Variants in UHRF1 observed in about 807,000 individuals in gnomAD.
UHRF1 encodes ubiquitin like with PHD and ring finger domains 1, also known as E3 ubiquitin-protein ligase UHRF1.
Under a neutral mutation model 96.5 loss-of-function variants are expected in UHRF1, and 9 were observed. The observed-to-expected ratio is 0.09, with a 90% CI of 0.06 to 0.16. The LOEUF (loss-of-function observed/expected upper bound fraction) is 0.16. Ranked by LOEUF, UHRF1 falls within the 10% of genes least tolerant of loss-of-function variation. The pLI, the probability that UHRF1 is intolerant of heterozygous loss-of-function variation, is 1.00. For synonymous variants in UHRF1, 455 were observed against 469.9 expected (o/e 0.97, Z 0.41); for missense variants, 626 against 1,131.1 (o/e 0.55, Z 6.40).
Position 4,939,772 on chromosome 19 carries a change from C to A in UHRF1, c.786-1756C>A, listed in dbSNP as rs565742068. Among the ~76,000 whole-genome samples the A allele has an allele frequency of 5.3e-5, 8 of 152,226 alleles. No homozygotes were observed. The East Asian group carries it at 1.5e-3, about 29-fold the overall frequency. On this transcript the variant is annotated intron_variant, in intron 5 of 16. Coordinates refer to ENST00000650932, the MANE Select transcript of UHRF1 (RefSeq NM_001048201.3). ...AGGCGCAGTGGCTCATGCCTGTAAT[C>A]CCAGTACTTTGGGGGGCCGAGGTGG... is the stretch of plus-strand genomic sequence containing the variant.
chr19:4,913,852 C>G (rs1254373128), intron 2 of UHRF1, among the ~76,000 whole-genome samples: 1 of 139,180 alleles, frequency 7.2e-6, no homozygotes, highest in Non-Finnish European at 1.5e-5. Context: ...GCTCTTATTG[C>G]CCAAGGTGGA....
At chr19:4,927,015 C>T (rs1407651755) in intron 2 of UHRF1, among the ~76,000 whole-genome samples, 10 of 151,944 alleles carry the variant, frequency 6.6e-5, no homozygotes, top group South Asian at 2.1e-4. Flanking sequence ...GAGCCAAGAT[C>T]GTGCCACTGC....
chr19:4,928,214 C>T (rs1273033355), intron 2 of UHRF1, among the ~76,000 whole-genome samples: 1 of 152,120 alleles, frequency 6.6e-6, no homozygotes, highest in East Asian at 1.9e-4. Context: ...CAGCACCCTG[C>T]AGTGCCCAGG....
At chr19:4,905,069 C>A (rs192925683), upstream of UHRF1, among the ~76,000 whole-genome samples, 326 of 151,770 alleles carry the variant, frequency 2.1e-3, no homozygotes, top group Non-Finnish European at 2.7e-3. Context: ...CACATTTGGC[C>A]CAGGATGGAA....
chr19:4,940,359 ATTTTT>A (rs543779456), intron 5 of UHRF1, among the ~76,000 whole-genome samples: 8 of 67,056 alleles, frequency 1.2e-4, no homozygotes, highest in South Asian at 6.8e-4. Context: ...TGCCTTTATG[ATTTTT>A]TTTTTTTTTT....
chr19:4,949,473 GACACACACAC>G (rs10580944), intron 11 of UHRF1, among the ~76,000 whole-genome samples: 8 of 147,742 alleles, frequency 5.4e-5, no homozygotes, highest in South Asian at 2.2e-4. Flanking sequence ...TTGGCACATA[GACACACACAC>G]ACACACACAC....
At position 4,930,382 on chromosome 19, in the gene UHRF1, C is replaced by G. The variant is rs1373035366; in HGVS notation, c.409-334C>G. On this transcript the variant is annotated intron_variant, in intron 3 of 16. Transcript: ENST00000650932. This position sits in a 1 kb window ranked among gnomAD's most constrained non-coding sequence, Gnocchi z 4.4. ...CTCGGCCTCCCAAAGTGCTGGTATT[C>G]CAGGCGTGAGCCACGACGCCCTGCC... Among the ~76,000 whole-genome samples, 3 of 152,160 alleles carry G rather than the reference C, an allele frequency of 2.0e-5. No individual in the cohort carries two copies. The highest frequency in any genetic ancestry group is 3.2e-3 in the Middle Eastern group (1 of 316).
At chr19:4,926,698 G>A (rs1244076223) in intron 2 of UHRF1, among the ~76,000 whole-genome samples, 2 of 151,774 alleles carry the variant, frequency 1.3e-5, no homozygotes, top group African/African-American at 2.4e-5. Context: ...CCCAAGGTTC[G>A]ATGCTGCAGT....
chr19:4,917,045 G>A (rs561058990), intron 2 of UHRF1, among the ~76,000 whole-genome samples: 3 of 151,280 alleles, frequency 2.0e-5, no homozygotes, highest in Non-Finnish European at 2.9e-5. Flanking sequence ...AATGTGGCAC[G>A]AGGGGTAGGA....
At chr19:4,906,070 G>A (rs1047281131), upstream of UHRF1, among the ~76,000 whole-genome samples, 7 of 152,282 alleles carry the variant, frequency 4.6e-5, no homozygotes, top group Admixed American at 2.6e-4. Flanking sequence ...TTGATCTTCT[G>A]GGCTCAAGAG....
chr19:4,943,043 G>A (rs1024970628), intron 7 of UHRF1, among the ~76,000 whole-genome samples: 7 of 151,852 alleles, frequency 4.6e-5, no homozygotes. Flanking sequence ...ATTGAGGCCA[G>A]CCTGGCCAAG....
chr19:4,947,472 A>C, intron 11 of UHRF1, among the ~76,000 whole-genome samples: 1 of 141,586 alleles, frequency 7.1e-6, no homozygotes, highest in South Asian at 2.4e-4. Flanking sequence ...TCCCTATAAA[A>C]GGCCAGATAA....
At chr19:4,935,260 A>ATG in intron 5 of UHRF1, among the ~76,000 whole-genome samples, 1 of 151,920 alleles carries the variant, frequency 6.6e-6, no homozygotes, top group Non-Finnish European at 1.5e-5. Context: ...GAGCCACCGC[A>ATG]CCCAGCCTAT....
chr19:4,913,252 C>CTTTTTTTT lies in UHRF1; in HGVS notation c.153+2225_153+2232dup, dbSNP rs4022195. Among the ~76,000 whole-genome samples the CTTTTTTTT allele has an allele frequency of 3.6e-5, 4 of 111,192 alleles. 1 individual carries two copies. The highest frequency in any genetic ancestry group is 7.4e-5 in the African/African-American group (2 of 26,860). The allele number at this position is 111,192 out of a possible 152,430, so 72.9% of individuals were successfully genotyped here. A position where few individuals can be genotyped will look rare whatever the true frequency, so the allele number is the denominator to read the frequency against. On this transcript the variant is annotated intron_variant, in intron 2 of 16. Transcript: ENST00000650932. Reference sequence around the variant, plus strand: ...ATGTTAATTAGACATGTACATTGTGCTTTTTTTTTTTTTTTTTTGAGATGG... The same window carrying CTTTTTTTT: ...ATGTTAATTAGACATGTACATTGTGCTTTTTTTTTTTTTTTTTTTTTTTTTTGAGATGG...
intron 1 of UHRF1, among the ~76,000 whole-genome samples, chr19:4,904,454 C>G (rs1366625822): frequency 1.3e-5 from 2 of 152,188 alleles, no homozygotes; most frequent in Non-Finnish European, 2.9e-5. Context: ...GCTGGGATTA[C>G]AGGCGTGAGC....
At position 4,954,660 on chromosome 19, in the gene UHRF1, G is replaced by C. The variant is rs963756031; in HGVS notation, c.1968G>C (p.Pro656=). The C allele has an allele frequency of 1.9e-6, 3 of 1,612,426 alleles. No homozygotes were observed. Among genetic ancestry groups the C allele is most frequent in the African/African-American group, 1.3e-5 (1 of 74,880 alleles). ...CCCACCCTCTTCCAGGAGGTGGCCCGAGCAGGGCCGGGTCCCCGCGCCGGA... is the reference window on the plus strand; with the variant it reads ...CCCACCCTCTTCCAGGAGGTGGCCCCAGCAGGGCCGGGTCCCCGCGCCGGA... ...KWKRKSAGGG[P]SRAGSPRRTS... Residue 656 remains proline (P), a synonymous_variant, in exon 15 of 17, where the codon CCG becomes CCC. Transcript: ENST00000650932. This position sits in a 1 kb window ranked among gnomAD's most constrained non-coding sequence, Gnocchi z 5.9.
intron 2 of UHRF1, among the ~76,000 whole-genome samples, chr19:4,912,190 G>A (rs541860906): frequency 6.6e-6 from 1 of 152,164 alleles, no homozygotes; most frequent in Non-Finnish European, 1.5e-5. Context: ...GGAGAACTTG[G>A]GGAGTTGACG....
intron 5 of UHRF1, among the ~76,000 whole-genome samples, chr19:4,937,232 C>T (rs76359418): frequency 0.012 from 1,751 of 151,532 alleles, 31 homozygotes; most frequent in African/African-American, 0.04. Context: ...TTGAAGTTAC[C>T]GCATATCAGT....
chr19:4,931,490 CAG>C (rs1204386264), intron 4 of UHRF1, among the ~76,000 whole-genome samples: 8 of 151,830 alleles, frequency 5.3e-5, no homozygotes, highest in African/African-American at 1.9e-4. Flanking sequence ...TTTTTCGAGA[CAG>C]AGTCTTACTC....
Sources: allele counts gnomAD v4.1 joint callset (sites outside exome capture counted in the v4.1 genomes callset), GRCh38; gene constraint gnomAD v4.1.1; non-coding constraint Gnocchi (gnomAD v3.1); transcripts MANE v1.5; gene names NCBI Gene and HGNC (gene_info 2026-07-23, HGNC 2026-07-21).